The following XBP1 variants were observed in gnomAD, a reference collection of about 807,000 sequenced individuals.
The protein encoded by XBP1 is X-box binding protein 1, also known as X-box-binding protein 1.
A neutral mutation model predicts 34.6 loss-of-function variants in XBP1; 18 were observed. The observed-to-expected ratio is 0.52, with a 90% CI of 0.36 to 0.77. The LOEUF (loss-of-function observed/expected upper bound fraction) is 0.77. Among genes scored for constraint, XBP1 ranks in the 30% least tolerant of loss-of-function variants. The pLI is 0.00. For synonymous variants in XBP1, 191 were observed against 193.4 expected (o/e 0.99, Z 0.11); for missense variants, 422 against 464.6 (o/e 0.91, Z 0.84).
intron 3 of XBP1, chr22:28,796,832 T>C (rs2031760698): frequency 3.3e-6 from 1 of 304,830 alleles, no homozygotes; most frequent in Non-Finnish European, 5.9e-6. Context: ...TGTTAGTACT[T>C]GTTCTTAGGG....
chr22:28,798,471 G>C (rs2031792846), intron 2 of XBP1, among the ~76,000 whole-genome samples: 1 of 151,342 alleles, frequency 6.6e-6, no homozygotes, highest in Non-Finnish European at 1.5e-5. Flanking sequence ...ACGACACCCG[G>C]CTAATTTTTG....
upstream of XBP1, chr22:28,800,561 C>CCGCCCAG (rs1235640147): frequency 2.7e-6 from 4 of 1,464,562 alleles, no homozygotes; most frequent in South Asian, 1.3e-5. Context: ...CGCGCCGCAG[C>CCGCCCAG]CGCCCAGCGC....
chr22:28,797,197 T>G (rs2031767071), exon 3 of XBP1: 4 of 1,611,592 alleles, frequency 2.5e-6, no homozygotes, highest in Non-Finnish European at 3.4e-6. Context: ...CTAGCAAAAG[T>G]TTTTGGTTCT....
chr22:28,799,099 T>C, exon 2 of XBP1: 2 of 1,614,188 alleles, frequency 1.2e-6, no homozygotes, highest in Non-Finnish European at 1.7e-6. Context: ...GCTCACTCAT[T>C]CGAGCCTTCT....
exon 6 of XBP1, chr22:28,795,635 A>C (rs764147104): frequency 6.2e-7 from 1 of 1,610,696 alleles, no homozygotes; most frequent in South Asian, 1.1e-5. Context: ...TTCTGGGTAG[A>C]CCTCTGGGAG....
chr22:28,799,160 A>T lies in XBP1; in HGVS notation c.228-7T>A. 6.2e-7 allele frequency: 1 copy of T among 1,611,808 alleles called. No homozygotes were observed. The highest frequency in any genetic ancestry group is 1.7e-4 in the Middle Eastern group (1 of 6,056). ...TACTCTGTTTTTCAGTTTCCTAGGA[A>T]GAGAAGGAACATACCACACTGAGTC... On this transcript the variant is annotated splice_region_variant and splice_polypyrimidine_tract_variant and intron_variant, in intron 1 of 5. Transcript: ENST00000344347.
chr22:28,799,002 T>C (rs931304662), intron 2 of XBP1, 55 bp downstream of exon 2: 8 of 1,411,392 alleles, frequency 5.7e-6, no homozygotes, highest in Non-Finnish European at 7.0e-6. Flanking sequence ...TATCAGAACA[T>C]TCACCAAGGA....
intron 2 of XBP1, among the ~76,000 whole-genome samples, chr22:28,797,422 C>G (rs1334559927): frequency 2.0e-5 from 3 of 152,142 alleles, no homozygotes; most frequent in Admixed American, 2.0e-4. Context: ...CACACTGCTT[C>G]CAACTACTAA....
intron 5 of XBP1, 76 bp from the exon 6 acceptor site, chr22:28,795,808 G>A: frequency 1.4e-6 from 2 of 1,426,804 alleles, no homozygotes; most frequent in Non-Finnish European, 1.9e-6. Flanking sequence ...CTTTGTACTG[G>A]GTTCCATAAT....
At chr22:28,795,548 A>C (rs779802179) in exon 6 of XBP1, 37 of 1,614,052 alleles carry the variant, frequency 2.3e-5, no homozygotes, top group Non-Finnish European at 3.1e-5. Context: ...AAAACGAATT[A>C]GTTCATTAAT....
At chr22:28,798,203 A>G (rs1306416747) in intron 2 of XBP1, among the ~76,000 whole-genome samples, 1 of 152,090 alleles carries the variant, frequency 6.6e-6, no homozygotes, top group Admixed American at 6.5e-5. Flanking sequence ...AAATCCATCT[A>G]CTTTGAGATA....
At chr22:28,798,531 A>G (rs2031793758) in intron 2 of XBP1, among the ~76,000 whole-genome samples, 1 of 151,050 alleles carries the variant, frequency 6.6e-6, no homozygotes, top group African/African-American at 2.4e-5. Context: ...CTGGTCTCGA[A>G]CTCCTGATCT....
intron 2 of XBP1, among the ~76,000 whole-genome samples, chr22:28,797,841 C>A (rs1233775212): frequency 6.6e-6 from 1 of 151,484 alleles, no homozygotes; most frequent in Non-Finnish European, 1.5e-5. Flanking sequence ...AAATAACTAT[C>A]TTGAACTGGC....
rs1180252823 is a variant in XBP1 at position 28,795,225 on chromosome 22, A to C, written c.1081T>G (p.Trp361Gly). 12 of 1,542,344 alleles carry C rather than the reference A, an allele frequency of 7.8e-6. No individual in the cohort carries two copies. The Admixed American group carries it at 1.2e-4, about 16-fold the overall frequency. ...AGTTCATTGGCAAAAGTGTCCTCCC[A>C]AGAATGGTTTACACCAAGCAGAGAG... Residue 361 changes from tryptophan to glycine, a missense_variant, in exon 6 of 6, where the codon TGG (tryptophan) becomes GGG (glycine). This residue lies in a region of XBP1 where 292 missense variants were observed against 339.9 expected (regional missense o/e 0.86). Coordinates refer to ENST00000344347, the Ensembl canonical transcript of XBP1.
At chr22:28,797,841 C>T (rs1233775212) in intron 2 of XBP1, among the ~76,000 whole-genome samples, 2 of 151,484 alleles carry the variant, frequency 1.3e-5, no homozygotes, top group Admixed American at 6.6e-5. Flanking sequence ...AAATAACTAT[C>T]TTGAACTGGC....
In XBP1 at chr22:28,798,768, C is replaced by CTTT. The variant is rs71196604; in HGVS notation, c.324+286_324+288dup. On this transcript the variant is annotated intron_variant, in intron 2 of 5. Transcript: ENST00000344347. ...GGGACTACAGGCACTCACGCTTGGCCTTTTTTTTTTTTTTTTTTTTGGTAT... is the reference window on the plus strand; with the variant it reads ...GGGACTACAGGCACTCACGCTTGGCCTTTTTTTTTTTTTTTTTTTTTTTGGTAT... 1.3e-3 allele frequency: 165 copies of CTTT among 125,272 alleles called. 2 individuals are homozygous for CTTT. Among genetic ancestry groups the CTTT allele is most frequent in the South Asian group, 3.5e-3 (17 of 4,812 alleles). The allele number at this position is 125,272 out of a possible 1,614,324, so 7.8% of individuals were successfully genotyped here.
chr22:28,800,530 C>T (rs1601440219), upstream of XBP1: 4 of 1,485,548 alleles, frequency 2.7e-6, no homozygotes, highest in Non-Finnish European at 1.8e-6. Context: ...ACCATAGCTC[C>T]AGACTACGCA....
chr22:28,797,242 A>G, intron 2 of XBP1, 37 bp from the exon 3 acceptor site: 1 of 1,598,244 alleles, frequency 6.3e-7, no homozygotes, highest in Non-Finnish European at 8.5e-7. Context: ...TAAAACATCT[A>G]ATTATTTCAG....
intron 3 of XBP1, 156 bp downstream of exon 3, chr22:28,796,921 G>C (rs140740199): frequency 1.1e-6 from 1 of 874,812 alleles, no homozygotes; most frequent in African/African-American, 1.7e-5. Flanking sequence ...AGTGCCTTTA[G>C]GGGAAGAACA....
Sources: gnomAD v4.1 joint callset for allele counts (sites outside exome capture counted in the v4.1 genomes callset) on GRCh38, gnomAD v4.1.1 for gene constraint, gnomAD v4.1.1 regional missense constraint, MANE v1.5 for transcripts, NCBI Gene and HGNC (gene_info 2026-07-23, HGNC 2026-07-21) for gene names.